C17orf100: variants seen among roughly 807,000 people sequenced by gnomAD.
C17orf100 encodes chromosome 17 open reading frame 100, also known as uncharacterized protein C17orf100.
Under a neutral mutation model 0.7 loss-of-function variants are expected in C17orf100, and 1 was observed. The ratio of observed to expected loss-of-function variants is 1.50; its 90% CI spans 0.53 to 7.13. The LOEUF (loss-of-function observed/expected upper bound fraction) is 7.13, where lower values mean the gene tolerates loss of function less well. Ranked by LOEUF, C17orf100 falls within the 30% of genes most tolerant of loss-of-function variation. The pLI, the probability that C17orf100 is intolerant of heterozygous loss-of-function variation, is 0.14. For missense variants in C17orf100, 168 were observed against 171.5 expected (o/e 0.98, Z 0.11); for synonymous variants, 87 against 84.0 (o/e 1.04, Z -0.20).
chr17:6,651,919 C>G lies in C17orf100; in HGVS notation c.6C>G (p.Ala2=), dbSNP rs1356806585. M[A]SARGAKQSSP... ...GGCCCCCTCACGCCGGCAGAATGGC[C>G]TCAGCCCGAGGGGCCAAGCAGTCTT... Residue 2 remains alanine (A), a synonymous_variant, in exon 1 of 1, where the codon GCC becomes GCG. Coordinates refer to ENST00000542475, the MANE Select transcript of C17orf100 (RefSeq NM_001105520.2). 3 of 1,487,090 alleles carry G rather than the reference C, an allele frequency of 2.0e-6. No homozygotes were observed. The highest frequency in any genetic ancestry group is 1.8e-4 in the Middle Eastern group (1 of 5,656). The allele number at this position is 1,487,090 out of a possible 1,614,324, so 92.1% of individuals were successfully genotyped here.
Position 6,652,445 on chromosome 17 carries a change from C to T in C17orf100, c.*175C>T, listed in dbSNP as rs1302957648. 3 of 1,479,576 alleles carry T rather than the reference C, an allele frequency of 2.0e-6. No homozygotes were observed. Among genetic ancestry groups the T allele is most frequent in the Non-Finnish European group, 2.7e-6 (3 of 1,114,624 alleles). 91.7% of individuals were successfully genotyped at this position (1,479,576 alleles called of 1,614,324 possible). A position where few individuals can be genotyped will look rare whatever the true frequency, so the allele number is the denominator to read the frequency against. ...AGCCGCAGTTTCTGAACACAGCCAA[C>T]GTTTACTGACCGTCCTGCGTCTTGG... On this transcript the variant is annotated 3_prime_UTR_variant, in exon 1 of 1. Coordinates refer to ENST00000542475, the MANE Select transcript of C17orf100 (RefSeq NM_001105520.2).
chr17:6,652,464 G>A lies in C17orf100; in HGVS notation c.*194G>A, dbSNP rs1972853603. 1.4e-6 allele frequency: 2 copies of A among 1,462,872 alleles called. No individual in the cohort carries two copies. The highest frequency in any genetic ancestry group is 2.9e-5 in the African/African-American group (2 of 69,924). 90.6% of individuals were successfully genotyped at this position (1,462,872 alleles called of 1,614,324 possible). A position where few individuals can be genotyped will look rare whatever the true frequency, so the allele number is the denominator to read the frequency against. Reference sequence around the variant, plus strand: ...AGCCAACGTTTACTGACCGTCCTGCGTCTTGGACCAGCCTACTTTTGACCC... The same window carrying A: ...AGCCAACGTTTACTGACCGTCCTGCATCTTGGACCAGCCTACTTTTGACCC... On this transcript the variant is annotated 3_prime_UTR_variant, in exon 1 of 1. Transcript: ENST00000542475.
chr17:6,652,137 C>T lies in C17orf100; in HGVS notation c.224C>T (p.Ser75Leu), dbSNP rs1258539763. The T allele has an allele frequency of 6.3e-7, 1 of 1,597,050 alleles. No homozygotes were observed. The highest frequency in any genetic ancestry group is 1.1e-5 in the South Asian group (1 of 89,642). ...EASSRHVESSSQRTETTSRHV... is the reference protein window; with the variant it reads ...EASSRHVESSLQRTETTSRHV... ...TCCTCCCGGCACGTGGAATCCTCCT[C>T]GCAGCGCACGGAAACGACCTCCCGC... Residue 75 changes from serine (S) to leucine (L), a missense_variant, in exon 1 of 1, where the codon TCG becomes TTG. By Grantham distance (145) the Ser-to-Leu change is moderately radical (BLOSUM62 -2). Coordinates refer to ENST00000542475, the MANE Select transcript of C17orf100 (RefSeq NM_001105520.2).
In C17orf100 at chr17:6,652,623, A is replaced by G; in HGVS notation, c.*353A>G. On this transcript the variant is annotated 3_prime_UTR_variant, in exon 1 of 1. Coordinates refer to ENST00000542475, the MANE Select transcript of C17orf100 (RefSeq NM_001105520.2). ...AGTTTGGGATCCACAGCCCTCAGAAAACCTTCACCCCTTAGGAACAGAGAC... is the reference window on the plus strand; with the variant it reads ...AGTTTGGGATCCACAGCCCTCAGAAGACCTTCACCCCTTAGGAACAGAGAC... 3 of 586,714 alleles carry G rather than the reference A, an allele frequency of 5.1e-6. No individual in the cohort carries two copies. In the South Asian group the frequency reaches 7.6e-5, roughly 15 times the overall value. 36.3% of individuals were successfully genotyped at this position (586,714 alleles called of 1,614,324 possible).
chr17:6,652,143 G>A lies in C17orf100; in HGVS notation c.230G>A (p.Arg77His), dbSNP rs755335599. 1 of 1,598,302 alleles carries A rather than the reference G, an allele frequency of 6.3e-7. No homozygotes were observed. The highest frequency in any genetic ancestry group is 1.1e-5 in the South Asian group (1 of 89,898). Residue 77 changes from arginine (R) to histidine (H), a missense_variant, in exon 1 of 1, where the codon CGC becomes CAC. Transcript: ENST00000542475. ...SSRHVESSSQ[R>H]TETTSRHVRA... ...CGGCACGTGGAATCCTCCTCGCAGC[G>A]CACGGAAACGACCTCCCGCCACGTC...
Position 6,652,010 on chromosome 17 carries a change from C to A in C17orf100, c.97C>A (p.Arg33Ser), listed in dbSNP as rs375738897. ...STVRVETSSH[R>S]VETSSRRVET... ...GGTCCGCGTGGAGACCTCGTCCCAC[C>A]GCGTGGAGACGTCGTCCCGGCGGGT... Residue 33 changes from arginine to serine, a missense_variant, in exon 1 of 1, where the codon CGC becomes AGC. Coordinates refer to ENST00000542475, the MANE Select transcript of C17orf100 (RefSeq NM_001105520.2). 1.9e-4 allele frequency: 291 copies of A among 1,556,066 alleles called. 1 individual carries two copies. The highest frequency in any genetic ancestry group is 1.4e-3 in the South Asian group (122 of 84,428).
rs1276209892 is a variant in C17orf100, at chr17:6,652,277, G to C, written c.*7G>C. 6 of 1,611,808 alleles carry C rather than the reference G, an allele frequency of 3.7e-6. No homozygotes were observed. The highest frequency in any genetic ancestry group is 4.2e-6 in the Non-Finnish European group (5 of 1,179,676). On this transcript the variant is annotated 3_prime_UTR_variant, in exon 1 of 1. Coordinates refer to ENST00000542475, the MANE Select transcript of C17orf100 (RefSeq NM_001105520.2). ...CGAAAAAACGGCCCGATGAGATGCT[G>C]CTTCCCAAAGGCCACCAAGGGGCCA...
In C17orf100 at chr17:6,651,781, C is replaced by T. The variant is rs981038413; in HGVS notation, c.-133C>T. Reference sequence around the variant, plus strand: ...TCCAGTGTTTTAGCCTTCGAAGGACCATGGTGCTTCCACGTCATCGTGTTG... The same window carrying T: ...TCCAGTGTTTTAGCCTTCGAAGGACTATGGTGCTTCCACGTCATCGTGTTG... On this transcript the variant is annotated 5_prime_UTR_variant, in exon 1 of 1. Coordinates refer to ENST00000542475, the MANE Select transcript of C17orf100 (RefSeq NM_001105520.2). The T allele has an allele frequency of 2.1e-6, 3 of 1,443,170 alleles. No individual in the cohort carries two copies. The highest frequency in any genetic ancestry group is 2.7e-6 in the Non-Finnish European group (3 of 1,104,334). The allele number at this position is 1,443,170 out of a possible 1,614,324, so 89.4% of individuals were successfully genotyped here.
At position 6,652,286 on chromosome 17, in the gene C17orf100, A is replaced by G. The variant is rs560108497; in HGVS notation, c.*16A>G. On this transcript the variant is annotated 3_prime_UTR_variant, in exon 1 of 1. Transcript: ENST00000542475. ...GGCCCGATGAGATGCTGCTTCCCAAAGGCCACCAAGGGGCCAGGGCCCTCA... is the reference window on the plus strand; with the variant it reads ...GGCCCGATGAGATGCTGCTTCCCAAGGGCCACCAAGGGGCCAGGGCCCTCA... The G allele has an allele frequency of 4.0e-4, 645 of 1,611,664 alleles. 11 individuals carry two copies. The East Asian group carries it at 0.014, about 35-fold the overall frequency.
Position 6,652,586 on chromosome 17 carries a change from CTG to C in C17orf100, c.*317_*318del, listed in dbSNP as rs1972854540. ...GGACAAAGAGAGGCTGTTTGAGCCT[CTG>C]AGCCAGGTGAGTTTGGGATCCACAG... On this transcript the variant is annotated 3_prime_UTR_variant, in exon 1 of 1. Coordinates refer to ENST00000542475, the MANE Select transcript of C17orf100 (RefSeq NM_001105520.2). 2 of 1,075,980 alleles carry C rather than the reference CTG, an allele frequency of 1.9e-6. No individual in the cohort carries two copies. Among genetic ancestry groups the C allele is most frequent in the Admixed American group, 7.8e-5 (2 of 25,712 alleles). The allele number at this position is 1,075,980 out of a possible 1,614,324, so 66.7% of individuals were successfully genotyped here.
rs1468050902 is a variant in C17orf100, at chr17:6,652,871, A to G, written c.*601A>G. ...GTAAACCCACCAGCAAGCAAAAATA[A>G]TCTTAGAAAGTGAGAGGAGGTCACT... On this transcript the variant is annotated 3_prime_UTR_variant, in exon 1 of 1. Coordinates refer to ENST00000542475, the MANE Select transcript of C17orf100 (RefSeq NM_001105520.2). 6.5e-6 allele frequency: 1 copy of G among 153,340 alleles called. No homozygotes were observed. Among genetic ancestry groups the G allele is most frequent in the Non-Finnish European group, 1.5e-5 (1 of 66,294 alleles). 9.5% of individuals were successfully genotyped at this position (153,340 alleles called of 1,614,324 possible). A position where few individuals can be genotyped will look rare whatever the true frequency, so the allele number is the denominator to read the frequency against.
At position 6,652,082 on chromosome 17, in the gene C17orf100, G is replaced by T; in HGVS notation, c.169G>T (p.Gly57Trp). ...RSEGPSLSPS[G>W]KRLPRILEAS... is the part of the protein sequence containing the mutation. ...CGAGGGGCCCTCCCTCTCCCCCTCGGGGAAGCGGCTCCCTCGCATCCTCGA... is the reference window on the plus strand; with the variant it reads ...CGAGGGGCCCTCCCTCTCCCCCTCGTGGAAGCGGCTCCCTCGCATCCTCGA... The change falls in exon 1 of 1, where the codon GGG (glycine) becomes TGG (tryptophan). Residue 57 changes from glycine to tryptophan, a missense_variant. By Grantham distance (184) the Gly-to-Trp change is radical (BLOSUM62 -2). Transcript: ENST00000542475. 1 of 1,575,238 alleles carries T rather than the reference G, an allele frequency of 6.3e-7. No individual in the cohort carries two copies. The highest frequency in any genetic ancestry group is 8.6e-7 in the Non-Finnish European group (1 of 1,164,508).
Position 6,652,420 on chromosome 17 carries a change from A to T in C17orf100, c.*150A>T. 1 of 1,502,830 alleles carries T rather than the reference A, an allele frequency of 6.7e-7. No individual in the cohort carries two copies. The highest frequency in any genetic ancestry group is 1.3e-5 in the South Asian group (1 of 75,896). The allele number at this position is 1,502,830 out of a possible 1,614,324, so 93.1% of individuals were successfully genotyped here. A position where few individuals can be genotyped will look rare whatever the true frequency, so the allele number is the denominator to read the frequency against. The stretch of plus-strand genomic sequence containing the variant: ...CATAAATCAATGTAAGAAACAGCCA[A>T]GCCGCAGTTTCTGAACACAGCCAAC... On this transcript the variant is annotated 3_prime_UTR_variant, in exon 1 of 1. Coordinates refer to ENST00000542475, the MANE Select transcript of C17orf100 (RefSeq NM_001105520.2).
Position 6,652,180 on chromosome 17 carries a change from C to T in C17orf100, c.267C>T (p.Ser89=), listed in dbSNP as rs1286398935. ...ETTSRHVRAS[S]LRVETSLHCA... ...CCTCCCGCCACGTCAGAGCCTCGTC[C>T]CTGAGGGTGGAGACGTCTCTGCACT... Residue 89 remains serine (S), a synonymous_variant, in exon 1 of 1, where the codon TCC becomes TCT. Transcript: ENST00000542475. 3.1e-6 allele frequency: 5 copies of T among 1,605,258 alleles called. No individual in the cohort carries two copies. Among genetic ancestry groups the T allele is most frequent in the South Asian group, 2.2e-5 (2 of 90,938 alleles).
chr17:6,652,118 C>A lies in C17orf100; in HGVS notation c.205C>A (p.Arg69=), dbSNP rs761459253. The A allele has an allele frequency of 6.3e-7, 1 of 1,591,816 alleles. No homozygotes were observed. The highest frequency in any genetic ancestry group is 8.5e-7 in the Non-Finnish European group (1 of 1,174,614). ...CCCTCGCATCCTCGAGGCGTCCTCCCGGCACGTGGAATCCTCCTCGCAGCG... is the reference window on the plus strand; with the variant it reads ...CCCTCGCATCCTCGAGGCGTCCTCCAGGCACGTGGAATCCTCCTCGCAGCG... ...RLPRILEASS[R]HVESSSQRTE... is the part of the protein sequence containing the mutation. The change falls in exon 1 of 1, where the codon CGG becomes AGG. Residue 69 remains arginine, a synonymous_variant. Coordinates refer to ENST00000542475, the MANE Select transcript of C17orf100 (RefSeq NM_001105520.2).
rs1032226647 is a variant in C17orf100 at position 6,651,831 on chromosome 17, C to T, written c.-83C>T. 7.6e-6 allele frequency: 11 copies of T among 1,444,848 alleles called. No individual in the cohort carries two copies. Among genetic ancestry groups the T allele is most frequent in the African/African-American group, 1.4e-5 (1 of 69,810 alleles). The allele number at this position is 1,444,848 out of a possible 1,614,324, so 89.5% of individuals were successfully genotyped here. ...GTGGCGCTCCCGGCTATGGCAGTACCGTAGTTTTCCTCTCTTCTGCCTGCG... is the reference window on the plus strand; with the variant it reads ...GTGGCGCTCCCGGCTATGGCAGTACTGTAGTTTTCCTCTCTTCTGCCTGCG... On this transcript the variant is annotated 5_prime_UTR_variant, in exon 1 of 1. Transcript: ENST00000542475.
In C17orf100 at chr17:6,652,053, G is replaced by A. The variant is rs1393462176; in HGVS notation, c.140G>A (p.Arg47His). 4.5e-6 allele frequency: 7 copies of A among 1,556,474 alleles called. No individual in the cohort carries two copies. The East Asian group carries it at 1.2e-4, about 27-fold the overall frequency. The change falls in exon 1 of 1, where the codon CGC becomes CAC. Residue 47 changes from arginine (R) to histidine (H), a missense_variant. Physicochemically the swap from Arg to His is conservative, Grantham distance 29 (BLOSUM62 0). Coordinates refer to ENST00000542475, the MANE Select transcript of C17orf100 (RefSeq NM_001105520.2). ...SSRRVETSQR[R>H]SEGPSLSPSG... is the part of the protein sequence containing the mutation. ...CGGCGGGTGGAGACCTCCCAGCGCCGCAGCGAGGGGCCCTCCCTCTCCCCC... is the reference window on the plus strand; with the variant it reads ...CGGCGGGTGGAGACCTCCCAGCGCCACAGCGAGGGGCCCTCCCTCTCCCCC...
chr17:6,651,801 G>A lies in C17orf100; in HGVS notation c.-113G>A, dbSNP rs545336606. ...AGGACCATGGTGCTTCCACGTCATC[G>A]TGTTGTGGCGCTCCCGGCTATGGCA... On this transcript the variant is annotated 5_prime_UTR_variant, in exon 1 of 1. The change creates a new upstream start codon in the 5' untranslated region. Transcript: ENST00000542475. The A allele has an allele frequency of 5.5e-6, 8 of 1,442,540 alleles. No individual in the cohort carries two copies. In the South Asian group the frequency reaches 1.0e-4, roughly 19 times the overall value. The allele number at this position is 1,442,540 out of a possible 1,614,324, so 89.4% of individuals were successfully genotyped here. A position where few individuals can be genotyped will look rare whatever the true frequency, so the allele number is the denominator to read the frequency against.
Position 6,653,043 on chromosome 17 carries a change from AT to A in C17orf100, c.*774del, listed in dbSNP as rs1205775632. 3.0e-5 allele frequency: 5 copies of A among 167,120 alleles called. No homozygotes were observed. In the East Asian group the frequency reaches 7.7e-4, roughly 26 times the overall value. 10.4% of individuals were successfully genotyped at this position (167,120 alleles called of 1,614,324 possible). On this transcript the variant is annotated 3_prime_UTR_variant, in exon 1 of 1. Transcript: ENST00000542475. ...AAGTTGAAAATATGGTAATTTGAAA[AT>A]GCACTTAATACCCCTAACCTACTAA...
Sources: gnomAD v4.1 joint callset for allele counts on GRCh38, gnomAD v4.1.1 for gene constraint, MANE v1.5 for transcripts, NCBI Gene and HGNC (gene_info 2026-07-23, HGNC 2026-07-21) for gene names.